Variants in CEP170 observed in about 807,000 individuals in gnomAD.
The protein encoded by CEP170 is centrosomal protein of 170 kDa.
CEP170 carries 21 observed loss-of-function variants against 151.9 expected under a neutral mutation model. The ratio of observed to expected loss-of-function variants is 0.14; its 90% CI spans 0.10 to 0.20. The LOEUF is 0.20. Among genes scored for constraint, CEP170 ranks in the 10% least tolerant of loss-of-function variants. CEP170 has a pLI of 1.00. For synonymous variants in CEP170, 356 were observed against 648.8 expected (o/e 0.55, Z 6.86); for missense variants, 964 against 1,892.9 (o/e 0.51, Z 9.11).
intron 14 of CEP170, among the ~76,000 whole-genome samples, chr1:243,148,922 A>C (rs190454026): frequency 6.6e-6 from 1 of 152,252 alleles, no homozygotes; most frequent in East Asian, 1.9e-4. Flanking sequence ...ACTGGGAAAG[A>C]GTTACACTGA....
chr1:243,169,676 G>C lies in CEP170; in HGVS notation c.1795C>G (p.Gln599Glu). 1.9e-6 allele frequency: 3 copies of C among 1,612,528 alleles called. No homozygotes were observed. The highest frequency in any genetic ancestry group is 1.3e-5 in the African/African-American group (1 of 75,022). The change falls in exon 12 of 20, where the codon CAA (glutamine) becomes GAA (glutamate). Residue 599 changes from glutamine to glutamate, a missense_variant. By Grantham distance (29) the Gln-to-Glu change is conservative (BLOSUM62 2). Coordinates refer to ENST00000366542, the MANE Select transcript of CEP170 (RefSeq NM_014812.3). ...SLAANHTRHD[Q>E]EERIMEFSAP... ...GAAAATTCCATTATCCTTTCTTCTT[G>C]ATCATGCCTTGTATGATTGGCAGCC... is the stretch of plus-strand genomic sequence containing the variant.
At chr1:243,244,356 AT>A (rs2065154264) in intron 1 of CEP170, among the ~76,000 whole-genome samples, 1 of 46,262 alleles carries the variant, frequency 2.2e-5, no homozygotes, top group Non-Finnish European at 1.1e-4. Context: ...AGCTCCTTGT[AT>A]CACACACACA....
At chr1:243,139,630 G>T (rs1190818780) in intron 16 of CEP170, among the ~76,000 whole-genome samples, 1 of 151,998 alleles carries the variant, frequency 6.6e-6, no homozygotes, top group Non-Finnish European at 1.5e-5. Context: ...AAAGATATTT[G>T]TCTGTATTTT....
intron 3 of CEP170, 114 bp from the exon 4 acceptor site, chr1:243,212,078 T>C: frequency 1.7e-6 from 2 of 1,149,484 alleles, no homozygotes; most frequent in South Asian, 4.4e-5. Flanking sequence ...CGGTGGCTAA[T>C]ACAGCCTGAG....
intron 4 of CEP170, among the ~76,000 whole-genome samples, chr1:243,205,911 C>CA (rs1011685421): frequency 1.7e-5 from 2 of 118,966 alleles, no homozygotes; most frequent in Non-Finnish European, 3.7e-5. Flanking sequence ...AAGGGAGGAA[C>CA]AAAAAAACAA....
intron 11 of CEP170, among the ~76,000 whole-genome samples, chr1:243,171,498 T>C (rs1476598878): frequency 6.6e-6 from 1 of 152,168 alleles, no homozygotes; most frequent in East Asian, 1.9e-4. Flanking sequence ...TTTCCTATTT[T>C]CTATTAATTT....
intron 1 of CEP170, among the ~76,000 whole-genome samples, chr1:243,230,258 T>C (rs1024517139): frequency 7.9e-5 from 12 of 151,966 alleles, no homozygotes; most frequent in African/African-American, 2.9e-4. Context: ...GCCATGATCA[T>C]GCCCTGCACG....
intron 1 of CEP170, among the ~76,000 whole-genome samples, chr1:243,242,482 T>G (rs1308433577): frequency 6.6e-6 from 1 of 151,670 alleles, no homozygotes; most frequent in Non-Finnish European, 1.5e-5. Context: ...CCTCCCAAAG[T>G]GCTGGGATCA....
intron 1 of CEP170, among the ~76,000 whole-genome samples, chr1:243,243,495 CTGAT>C (rs1358485127): frequency 1.5e-5 from 2 of 137,802 alleles, no homozygotes; most frequent in Non-Finnish European, 3.0e-5. Context: ...ACTTACCATT[CTGAT>C]TTATTTATTT....
chr1:243,164,705 T>C lies in CEP170; in HGVS notation c.3255A>G (p.Ser1085=), dbSNP rs1558468396. The C allele has an allele frequency of 2.5e-6, 4 of 1,613,712 alleles. No homozygotes were observed. Among genetic ancestry groups the C allele is most frequent in the Non-Finnish European group, 3.4e-6 (4 of 1,179,682 alleles). Residue 1085 remains serine, a synonymous_variant, in exon 13 of 20, where the codon TCA becomes TCG. Coordinates refer to ENST00000366542, the MANE Select transcript of CEP170 (RefSeq NM_014812.3). The stretch of plus-strand genomic sequence containing the variant: ...TTGGAAGGGTGGTTGATTTACTAGA[T>C]GAACCAGATACCACCGGAGAAGTCT... ...KSKTSPVVSG[S]SSKSTTLPRP...
intron 7 of CEP170, among the ~76,000 whole-genome samples, chr1:243,192,373 T>C (rs1023625886): frequency 3.3e-5 from 5 of 152,086 alleles, no homozygotes; most frequent in African/African-American, 1.2e-4. Context: ...TACAAAAGTA[T>C]AGAAACAGAT....
At chr1:243,218,208 A>C (rs2062481628) in intron 3 of CEP170, among the ~76,000 whole-genome samples, 1 of 152,188 alleles carries the variant, frequency 6.6e-6, no homozygotes, top group Admixed American at 6.5e-5. Flanking sequence ...TCTCTACTCT[A>C]TACCACACAG....
intron 7 of CEP170, among the ~76,000 whole-genome samples, chr1:243,198,601 G>C (rs374729025): frequency 2.0e-5 from 3 of 152,112 alleles, no homozygotes; most frequent in African/African-American, 7.2e-5. Flanking sequence ...GAGTCCAGGA[G>C]TTCAAGACTA....
intron 11 of CEP170, among the ~76,000 whole-genome samples, chr1:243,171,378 C>A (rs564982922): frequency 1.1e-3 from 172 of 152,120 alleles, no homozygotes; most frequent in Middle Eastern, 3.4e-3. Flanking sequence ...GGTCTATTTA[C>A]CTGTATGTAA....
Position 243,254,074 on chromosome 1 carries a change from G to C in CEP170, c.-42+966C>G, listed in dbSNP as rs1443878867. 2.6e-5 allele frequency among the ~76,000 whole-genome samples: 4 copies of C among 152,018 alleles called. No homozygotes were observed. The East Asian group carries it at 7.7e-4, about 29-fold the overall frequency. On this transcript the variant is annotated intron_variant, in intron 1 of 19. Coordinates refer to ENST00000366542, the MANE Select transcript of CEP170 (RefSeq NM_014812.3). Reference sequence around the variant, plus strand: ...TTCATTTCCCTGACACAACAGCTTCGTTGTCAGGCCCTCTCTAGCCCAGGC... The same window carrying C: ...TTCATTTCCCTGACACAACAGCTTCCTTGTCAGGCCCTCTCTAGCCCAGGC...
At chr1:243,176,357 T>C (rs528837224) in intron 10 of CEP170, among the ~76,000 whole-genome samples, 1 of 152,270 alleles carries the variant, frequency 6.6e-6, no homozygotes, top group South Asian at 2.1e-4. Flanking sequence ...GAAAACTCCT[T>C]TGTGAACTTG....
At chr1:243,186,804 A>G (rs2059965789) in intron 8 of CEP170, among the ~76,000 whole-genome samples, 2 of 152,212 alleles carry the variant, frequency 1.3e-5, no homozygotes, top group Non-Finnish European at 2.9e-5. Context: ...CTCTAGCATT[A>G]GAGATGAAAA....
intron 8 of CEP170, among the ~76,000 whole-genome samples, chr1:243,190,395 C>G (rs1166641678): frequency 6.6e-6 from 1 of 152,042 alleles, no homozygotes; most frequent in Non-Finnish European, 1.5e-5. Flanking sequence ...AAGTTCTACA[C>G]AAATAAAGTA....
chr1:243,237,324 T>C (rs1271653808), intron 1 of CEP170, among the ~76,000 whole-genome samples: 1 of 152,204 alleles, frequency 6.6e-6, no homozygotes, highest in Non-Finnish European at 1.5e-5. Context: ...TATTGAGCAC[T>C]TGAAATACAG....
Sources: allele counts gnomAD v4.1 joint callset (sites outside exome capture counted in the v4.1 genomes callset), GRCh38; gene constraint gnomAD v4.1.1; transcripts MANE v1.5; gene names NCBI Gene and HGNC (gene_info 2026-07-23, HGNC 2026-07-21).